Variants in KIT observed in about 807,000 individuals in gnomAD.
KIT encodes the protein mast/stem cell growth factor receptor Kit.
A neutral mutation model predicts 105.7 loss-of-function variants in KIT; 16 were observed. That is an observed-to-expected ratio of 0.15 (90% CI 0.10 to 0.23). The LOEUF (loss-of-function observed/expected upper bound fraction) is 0.23. Ranked by LOEUF, KIT falls within the 10% of genes least tolerant of loss-of-function variation. The pLI, the probability that KIT is intolerant of heterozygous loss-of-function variation, is 1.00. For synonymous variants in KIT, 438 were observed against 441.1 expected, an observed-to-expected ratio of 0.99 and a Z score of 0.09; for missense variants, 858 against 1,213.8, an observed-to-expected ratio of 0.71 and a Z score of 4.36.
intron 4 of KIT, among the ~76,000 whole-genome samples, chr4:54,702,921 A>C (rs1224079058): frequency 1.3e-5 from 2 of 152,136 alleles, no homozygotes; most frequent in Non-Finnish European, 2.9e-5. Context: ...TCCCCATTGT[A>C]ATAGGAGTGT....
Position 54,739,747 on chromosome 4 carries a change from A to G in KIT, c.*1190A>G, listed in dbSNP as rs1016796314. ...CAAGAGGGTCCTTTAGTACCTGAAAAGTAACTTGGCTTTCATTATTAGTAC... is the reference window on the plus strand; with the variant it reads ...CAAGAGGGTCCTTTAGTACCTGAAAGGTAACTTGGCTTTCATTATTAGTAC... On this transcript the variant is annotated 3_prime_UTR_variant, in exon 21 of 21. Coordinates refer to ENST00000288135, the MANE Select transcript of KIT (RefSeq NM_000222.3). The G allele has an allele frequency of 1.3e-5, 3 of 233,474 alleles. No homozygotes were observed. Among genetic ancestry groups the G allele is most frequent in the Non-Finnish European group, 2.5e-5 (3 of 117,974 alleles). The allele number at this position is 233,474 out of a possible 1,614,324, so 14.5% of individuals were successfully genotyped here.
At chr4:54,736,032 C>G (rs1722904905) in intron 17 of KIT, among the ~76,000 whole-genome samples, 1 of 152,142 alleles carries the variant, frequency 6.6e-6, no homozygotes, top group South Asian at 2.1e-4. Context: ...CCTGAAGCTG[C>G]TATACAGCAC....
chr4:54,681,137 G>A (rs563702921), intron 1 of KIT, among the ~76,000 whole-genome samples: 2 of 152,256 alleles, frequency 1.3e-5, no homozygotes, highest in South Asian at 2.1e-4. Flanking sequence ...TCGCTACCCC[G>A]ACCCCAAACT....
At chr4:54,710,290 C>T (rs913559101) in intron 7 of KIT, among the ~76,000 whole-genome samples, 2 of 152,202 alleles carry the variant, frequency 1.3e-5, no homozygotes, top group Non-Finnish European at 2.9e-5. Context: ...GTGCCTCCCA[C>T]ACCATACCTG....
At chr4:54,706,951 A>C in intron 5 of KIT, 147 bp from the exon 6 acceptor site, 1 of 604,416 alleles carries the variant, frequency 1.7e-6, no homozygotes, top group South Asian at 2.0e-5. Context: ...AGCAAAATAA[A>C]ATGAAAAACA....
At chr4:54,715,366 G>GC (rs1188859058) in intron 7 of KIT, among the ~76,000 whole-genome samples, 2 of 30,746 alleles carry the variant, frequency 6.5e-5, no homozygotes, top group Non-Finnish European at 8.6e-5. Flanking sequence ...TTGTGTTGCT[G>GC]TTAAAAAAAA....
At position 54,703,708 on chromosome 4, in the gene KIT, T is replaced by C. The variant is rs1720598001; in HGVS notation, c.757-16T>C. On this transcript the variant is annotated splice_polypyrimidine_tract_variant and intron_variant, in intron 4 of 20. Transcript: ENST00000288135. The stretch of plus-strand genomic sequence containing the variant: ...GGTAATCTTCATTTTTTTTTCTCCT[T>C]TTCTGAAACCAGCAGACTAAACTAC... The C allele has an allele frequency of 1.2e-6, 2 of 1,610,194 alleles. No individual in the cohort carries two copies. The highest frequency in any genetic ancestry group is 2.2e-5 in the South Asian group (2 of 90,982).
chr4:54,685,996 G>A (rs1013191390), intron 1 of KIT, among the ~76,000 whole-genome samples: 1 of 152,186 alleles, frequency 6.6e-6, no homozygotes, highest in South Asian at 2.1e-4. Context: ...CCACTGGGCT[G>A]TGAGCCCCTT....
Position 54,725,766 on chromosome 4 carries a change from C to A in KIT, c.1347-91C>A, listed in dbSNP as rs995879636. ...TTTTCTGTTGATTATGAACCTCTAA[C>A]TTTGTTTTAAAAGTATGCCACATCC... On this transcript the variant is annotated intron_variant, in intron 8 of 20. Coordinates refer to ENST00000288135, the MANE Select transcript of KIT (RefSeq NM_000222.3). The A allele has an allele frequency of 4.2e-6, 5 of 1,200,564 alleles. No homozygotes were observed. In the Admixed American group the frequency reaches 9.8e-5, roughly 24 times the overall value. The allele number at this position is 1,200,564 out of a possible 1,614,324, so 74.4% of individuals were successfully genotyped here.
rs773828910 is a variant in KIT at position 54,738,507 on chromosome 4, G to C, written c.2881G>C (p.Gly961Arg). The C allele has an allele frequency of 2.5e-6, 4 of 1,614,036 alleles. No individual in the cohort carries two copies. The highest frequency in any genetic ancestry group is 2.5e-6 in the Non-Finnish European group (3 of 1,179,998). The change falls in exon 21 of 21, where the codon GGC (glycine) becomes CGC (arginine). Residue 961 changes from glycine to arginine, a missense_variant. Physicochemically the swap from Gly to Arg is moderately radical, Grantham distance 125. Transcript: ENST00000288135. ...CCATTCTGTGCGGATCAATTCTGTC[G>C]GCAGCACCGCTTCCTCCTCCCAGCC... is the stretch of plus-strand genomic sequence containing the variant. The part of the protein sequence containing the change: ...VDHSVRINSV[G>R]STASSSQPLL...
At chr4:54,729,253 A>G (rs2109785222) in intron 13 of KIT, 82 bp from the exon 14 acceptor site, 1 of 1,464,938 alleles carries the variant, frequency 6.8e-7, no homozygotes, top group Non-Finnish European at 9.5e-7. Context: ...AATGGCCATG[A>G]CCACCCTTGG....
chr4:54,715,745 A>G (rs747615542), intron 7 of KIT, among the ~76,000 whole-genome samples: 1 of 152,188 alleles, frequency 6.6e-6, no homozygotes, highest in East Asian at 1.9e-4. Flanking sequence ...GAAGGGGACA[A>G]ATATTCAAAC....
chr4:54,672,889 G>C lies in KIT; in HGVS notation c.67+14808G>C, dbSNP rs369763420. ...ATATGTCCACAACGGCGAGTGTGTA[G>C]TCTGTATATTTAAAGGTCAGGTTGG... On this transcript the variant is annotated intron_variant, in intron 1 of 20. Coordinates refer to ENST00000288135, the MANE Select transcript of KIT (RefSeq NM_000222.3). Among the ~76,000 whole-genome samples, 11 of 152,168 alleles carry C rather than the reference G, an allele frequency of 7.2e-5. No homozygotes were observed. The East Asian group carries it at 1.9e-3, about 27-fold the overall frequency.
At chr4:54,730,502 T>C (rs1224194944) in intron 14 of KIT, among the ~76,000 whole-genome samples, 1 of 151,946 alleles carries the variant, frequency 6.6e-6, no homozygotes, top group East Asian at 1.9e-4. Flanking sequence ...TAAACTTGAG[T>C]AGTTTAAAGT....
At chr4:54,689,988 C>A (rs890606006) in intron 1 of KIT, among the ~76,000 whole-genome samples, 2 of 150,652 alleles carry the variant, frequency 1.3e-5, no homozygotes, top group Non-Finnish European at 2.9e-5. Context: ...CTGTCTGGCA[C>A]ATTTGACCTA....
chr4:54,671,133 G>A (rs191829712), intron 1 of KIT, among the ~76,000 whole-genome samples: 10 of 152,196 alleles, frequency 6.6e-5, no homozygotes, highest in East Asian at 3.9e-4. Flanking sequence ...GGCTTTTTGC[G>A]TTTTCACTTT....
intron 1 of KIT, 28 bp downstream of exon 1, chr4:54,658,109 C>A (rs778329597): frequency 6.2e-7 from 1 of 1,609,738 alleles, no homozygotes; most frequent in Non-Finnish European, 8.5e-7. Flanking sequence ...GCACCCCGAC[C>A]GTGCGACTAC....
At chr4:54,673,474 T>C (rs1718255935) in intron 1 of KIT, among the ~76,000 whole-genome samples, 1 of 152,242 alleles carries the variant, frequency 6.6e-6, no homozygotes, top group Non-Finnish European at 1.5e-5. Flanking sequence ...TTTTAATTCT[T>C]AGTTCTTTTG....
chr4:54,660,499 AT>A lies in KIT; in HGVS notation c.67+2426del, dbSNP rs200836928. Reference sequence around the variant, plus strand: ...TCTGTTTTTTCCCCCACTCATTCCCATTTTTTTTCTCATGACTCTGTAAATC... The same window carrying A: ...TCTGTTTTTTCCCCCACTCATTCCCATTTTTTTCTCATGACTCTGTAAATC... On this transcript the variant is annotated intron_variant, in intron 1 of 20. Coordinates refer to ENST00000288135, the MANE Select transcript of KIT (RefSeq NM_000222.3). 6.8e-3 allele frequency among the ~76,000 whole-genome samples: 1,029 copies of A among 151,694 alleles called. 15 individuals are homozygous for A. The highest frequency in any genetic ancestry group is 0.024 in the African/African-American group (980 of 41,318).
Sources: allele counts gnomAD v4.1 joint callset (sites outside exome capture counted in the v4.1 genomes callset), GRCh38; gene constraint gnomAD v4.1.1; transcripts MANE v1.5; gene names NCBI Gene and HGNC (gene_info 2026-07-23, HGNC 2026-07-21).